The following CREB3L2 variants were observed in gnomAD, a reference collection of about 807,000 sequenced individuals.
The protein encoded by CREB3L2 is cyclic AMP-responsive element-binding protein 3-like protein 2.
Under a neutral mutation model 57.2 loss-of-function variants are expected in CREB3L2, and 23 were observed. The observed-to-expected ratio is 0.40, with a 90% CI of 0.29 to 0.57. The LOEUF is 0.57. Among genes scored for constraint, CREB3L2 ranks in the 20% least tolerant of loss-of-function variants. The pLI is 0.42. For missense variants in CREB3L2, 628 were observed against 634.7 expected (o/e 0.99, Z 0.11); for synonymous variants, 268 against 265.1 (o/e 1.01, Z -0.11).
chr7:137,968,766 C>CTATA (rs1801451873), intron 1 of CREB3L2, among the ~76,000 whole-genome samples: 1 of 152,136 alleles, frequency 6.6e-6, no homozygotes, highest in East Asian at 1.9e-4. Flanking sequence ...TCAGCTCAGG[C>CTATA]CCGCCACCAA....
chr7:137,886,413 T>C (rs1391864837), intron 8 of CREB3L2, among the ~76,000 whole-genome samples: 1 of 137,710 alleles, frequency 7.3e-6, no homozygotes, highest in South Asian at 2.4e-4. Context: ...AGGCCAGAGG[T>C]GGGGGCTGTG....
At chr7:137,948,180 G>C (rs1299179874) in intron 1 of CREB3L2, among the ~76,000 whole-genome samples, 1 of 152,196 alleles carries the variant, frequency 6.6e-6, no homozygotes, top group Admixed American at 6.5e-5. Context: ...ATTCAGCTAA[G>C]ATATATTCAA....
intron 1 of CREB3L2, among the ~76,000 whole-genome samples, chr7:137,987,556 T>C (rs1236980250): frequency 2.6e-5 from 4 of 152,244 alleles, no homozygotes; most frequent in Non-Finnish European, 5.9e-5. Flanking sequence ...TATGACTCCA[T>C]ATGCCAAAAG....
rs1799153512 is a variant in CREB3L2, at chr7:137,876,349, TG to T, written c.*4126del. The T allele has an allele frequency of 4.3e-6, 1 of 232,948 alleles. No homozygotes were observed. Among genetic ancestry groups the T allele is most frequent in the Non-Finnish European group, 8.5e-6 (1 of 118,168 alleles). 14.4% of individuals were successfully genotyped at this position (232,948 alleles called of 1,614,324 possible). A position where few individuals can be genotyped will look rare whatever the true frequency, so the allele number is the denominator to read the frequency against. On this transcript the variant is annotated 3_prime_UTR_variant, in exon 12 of 12. Transcript: ENST00000330387. ...ATGTGCACGTGTGTGTGTGTGTGTG[TG>T]TGTGTGTGTGTGTGTGTGTCAGAGA...
At chr7:137,883,187 A>G (rs1476799168) in intron 10 of CREB3L2, among the ~76,000 whole-genome samples, 7 of 152,246 alleles carry the variant, frequency 4.6e-5, no homozygotes, top group African/African-American at 1.7e-4. Flanking sequence ...TATGCTTCCA[A>G]TTAAATTTAG....
At chr7:137,913,218 C>G (rs955924075) in intron 3 of CREB3L2, 140 bp from the exon 4 acceptor site, 7 of 779,948 alleles carry the variant, frequency 9.0e-6, no homozygotes, top group African/African-American at 8.7e-5. Context: ...TAGGCAACTT[C>G]CCTGACAGGG....
intron 7 of CREB3L2, among the ~76,000 whole-genome samples, chr7:137,902,983 A>T (rs1799795159): frequency 1.3e-5 from 2 of 151,184 alleles, no homozygotes; most frequent in African/African-American, 2.4e-5. Context: ...TGCCTGGCTA[A>T]TTTTTTTTTA....
chr7:137,881,302 A>T (rs1799285782), intron 11 of CREB3L2, among the ~76,000 whole-genome samples: 1 of 152,228 alleles, frequency 6.6e-6, no homozygotes, highest in South Asian at 2.1e-4. Context: ...CCGAAAATCT[A>T]AAATCTAAAA....
At chr7:137,995,680 T>C (rs1203764752) in intron 1 of CREB3L2, among the ~76,000 whole-genome samples, 1 of 152,172 alleles carries the variant, frequency 6.6e-6, no homozygotes, top group African/African-American at 2.4e-5. Flanking sequence ...ATTTACTTAC[T>C]GTATGAGCCG....
chr7:137,913,344 A>G (rs533136008), intron 3 of CREB3L2, among the ~76,000 whole-genome samples: 27 of 152,098 alleles, frequency 1.8e-4, no homozygotes, highest in Admixed American at 9.8e-4. Flanking sequence ...CGTCTCCCCA[A>G]AAAAATACAA....
At chr7:137,927,247 G>A (rs1322937662) in intron 2 of CREB3L2, among the ~76,000 whole-genome samples, 5 of 135,254 alleles carry the variant, frequency 3.7e-5, no homozygotes, top group South Asian at 2.3e-4. Context: ...GGGAGGGAAC[G>A]GAACGGAACA....
chr7:137,903,050 C>T (rs1324829382), intron 7 of CREB3L2, among the ~76,000 whole-genome samples: 1 of 152,140 alleles, frequency 6.6e-6, no homozygotes, highest in Non-Finnish European at 1.5e-5. Context: ...TGAGCTCAAG[C>T]AATCCTCTCA....
chr7:137,901,226 T>A, intron 8 of CREB3L2, 128 bp downstream of exon 8: 1 of 659,110 alleles, frequency 1.5e-6, no homozygotes. Context: ...ATGCTGAGCA[T>A]CTCAGCACAA....
intron 1 of CREB3L2, among the ~76,000 whole-genome samples, chr7:137,998,981 C>A (rs1802034006): frequency 6.6e-6 from 1 of 152,186 alleles, no homozygotes; most frequent in Non-Finnish European, 1.5e-5. Context: ...TCACCCTCCC[C>A]TCAGGCTCTC....
At chr7:137,913,531 A>G (rs1450056201) in intron 3 of CREB3L2, among the ~76,000 whole-genome samples, 1 of 151,640 alleles carries the variant, frequency 6.6e-6, no homozygotes, top group East Asian at 1.9e-4. Flanking sequence ...AGAAAAAAGA[A>G]AAAAAAAGAA....
At chr7:137,962,153 G>A (rs1045911009) in intron 1 of CREB3L2, among the ~76,000 whole-genome samples, 9 of 152,142 alleles carry the variant, frequency 5.9e-5, no homozygotes, top group African/African-American at 7.2e-5. Flanking sequence ...GTTTTTAAGC[G>A]CAAATCCAGG....
At chr7:137,960,470 C>T (rs1801299239) in intron 1 of CREB3L2, among the ~76,000 whole-genome samples, 1 of 152,126 alleles carries the variant, frequency 6.6e-6, no homozygotes, top group African/African-American at 2.4e-5. Flanking sequence ...ATTGTGAAAA[C>T]TCAAATTCCG....
chr7:137,883,501 T>C (rs1021137698), intron 10 of CREB3L2, among the ~76,000 whole-genome samples: 1 of 152,206 alleles, frequency 6.6e-6, no homozygotes, highest in Admixed American at 6.5e-5. Flanking sequence ...GCATATAGCA[T>C]GTAGGGTTCA....
intron 2 of CREB3L2, among the ~76,000 whole-genome samples, chr7:137,922,411 T>TATAC (rs1800324886): frequency 4.1e-5 from 1 of 24,450 alleles, no homozygotes; most frequent in African/African-American, 2.1e-4. Flanking sequence ...TATATATATA[T>TATAC]ATATGTATAT....
Sources: allele counts gnomAD v4.1 joint callset (sites outside exome capture counted in the v4.1 genomes callset), GRCh38; gene constraint gnomAD v4.1.1; transcripts MANE v1.5; gene names NCBI Gene and HGNC (gene_info 2026-07-23, HGNC 2026-07-21).